Variants in ACSM3 observed in about 807,000 individuals in gnomAD.
ACSM3 encodes the protein acyl-coenzyme A synthetase ACSM3, mitochondrial.
ACSM3 carries 61 observed loss-of-function variants against 74.1 expected under a neutral mutation model. That is an observed-to-expected ratio of 0.82 (90% CI 0.67 to 1.02). ACSM3 has a LOEUF of 1.02. Among genes scored for constraint, ACSM3 ranks in the 50% least tolerant of loss-of-function variants. The probability of loss-of-function intolerance (pLI) is 0.00; values close to 1 mark genes in which losing one functional copy is unlikely to be tolerated. For synonymous variants in ACSM3, 213 were observed against 241.5 expected, an observed-to-expected ratio of 0.88 and a Z score of 1.09; for missense variants, 660 against 697.0, an observed-to-expected ratio of 0.95 and a Z score of 0.60.
At chr16:20,691,751 A>ATGTGTGTGTGTGTGTG (rs59929923) in intron 1 of ACSM3, among the ~76,000 whole-genome samples, 3 of 134,106 alleles carry the variant, frequency 2.2e-5, no homozygotes, top group South Asian at 5.0e-4. Context: ...TACCTCTCCA[A>ATGTGTGTGTGTGTGTG]TGTGTGTGTG....
At position 20,780,776 on chromosome 16, in the gene ACSM3, T is replaced by C; in HGVS notation, c.701T>C (p.Phe234Ser). 1 of 1,614,188 alleles carries C rather than the reference T, an allele frequency of 6.2e-7. No individual in the cohort carries two copies. Among genetic ancestry groups the C allele is most frequent in the Non-Finnish European group, 8.5e-7 (1 of 1,180,030 alleles). ...CACAATGAGATCATGGCCATATTCT[T>C]TACCAGTGGAACAAGTGGATATCCG... is the stretch of plus-strand genomic sequence containing the variant. Reference protein sequence around the residue: ...TKHNEIMAIFFTSGTSGYPKM... With the variant: ...TKHNEIMAIFSTSGTSGYPKM... The change falls in exon 5 of 14, where the codon TTT (phenylalanine) becomes TCT (serine). Residue 234 changes from phenylalanine to serine, a missense_variant. Coordinates refer to ENST00000289416, the MANE Select transcript of ACSM3 (RefSeq NM_005622.4).
intron 3 of ACSM3, among the ~76,000 whole-genome samples, chr16:20,755,775 T>TCC (rs1464907871): frequency 3.3e-4 from 14 of 42,482 alleles, no homozygotes; most frequent in Admixed American, 7.6e-4. Context: ...CCTAATGCTA[T>TCC]CCCTCCCCCC....
chr16:20,699,207 C>A (rs2079705867), intron 1 of ACSM3, among the ~76,000 whole-genome samples: 1 of 152,118 alleles, frequency 6.6e-6, no homozygotes, highest in South Asian at 2.1e-4. Context: ...GCACCTGGAC[C>A]AGGCATTTAG....
chr16:20,758,242 C>T (rs1352549075), intron 3 of ACSM3, among the ~76,000 whole-genome samples: 2 of 152,126 alleles, frequency 1.3e-5, no homozygotes, highest in Admixed American at 6.5e-5. Flanking sequence ...TGGTAGAATT[C>T]GGCTGTGAAT....
chr16:20,679,423 G>A (rs1488933288), intron 1 of ACSM3: 2 of 152,186 alleles, frequency 1.3e-5, no homozygotes, highest in African/African-American at 2.4e-5. Context: ...ACACACAGCC[G>A]AAGCTAAGAG....
intron 1 of ACSM3, among the ~76,000 whole-genome samples, chr16:20,766,927 C>T (rs1450101933): frequency 6.6e-6 from 1 of 151,992 alleles, no homozygotes; most frequent in Admixed American, 6.6e-5. Context: ...TCATAATTTG[C>T]TTGAATGCAC....
intron 1 of ACSM3, among the ~76,000 whole-genome samples, chr16:20,717,286 T>C (rs1382576791): frequency 1.3e-5 from 2 of 152,252 alleles, no homozygotes; most frequent in Non-Finnish European, 2.9e-5. Context: ...TACTGCATCA[T>C]GTGCCTAATC....
rs1042186936 is a variant in ACSM3 at position 20,781,105 on chromosome 16, G to A, written c.914G>A (p.Arg305His). Reference sequence around the variant, plus strand: ...TGTGTATTCACACACCATTTACCCCGTTTTGAGCCGACTTCTATCTTGCAA... The same window carrying A: ...TGTGTATTCACACACCATTTACCCCATTTTGAGCCGACTTCTATCTTGCAA... ...GACVFTHHLP[R>H]FEPTSILQTL... Residue 305 changes from arginine (R) to histidine (H), a missense_variant, in exon 6 of 14, where the codon CGT becomes CAT. Arg to His is a conservative substitution (Grantham distance 29). Transcript: ENST00000289416. 9.9e-6 allele frequency: 16 copies of A among 1,613,862 alleles called. No individual in the cohort carries two copies. Among genetic ancestry groups the A allele is most frequent in the Non-Finnish European group, 1.1e-5 (13 of 1,179,948 alleles).
At chr16:20,791,948 A>G (rs1441236311) in intron 10 of ACSM3, 54 bp from the exon 11 acceptor site, 18 of 1,582,310 alleles carry the variant, frequency 1.1e-5, no homozygotes, top group East Asian at 2.2e-5. Flanking sequence ...AAAAATTCCA[A>G]TTGACCAGAA....
At chr16:20,757,480 G>A (rs2152439508) in intron 3 of ACSM3, among the ~76,000 whole-genome samples, 1 of 152,002 alleles carries the variant, frequency 6.6e-6, no homozygotes, top group East Asian at 1.9e-4. Flanking sequence ...TTTGCACATT[G>A]ATTTTGTATC....
At chr16:20,704,456 G>T (rs1022008021) in intron 1 of ACSM3, among the ~76,000 whole-genome samples, 5 of 152,076 alleles carry the variant, frequency 3.3e-5, no homozygotes, top group African/African-American at 4.8e-5. Flanking sequence ...TTCTTCCCAG[G>T]GCTAACTTAG....
At chr16:20,737,751 A>T (rs142453544) in intron 1 of ACSM3, 5 of 1,613,766 alleles carry the variant, frequency 3.1e-6, no homozygotes, top group Non-Finnish European at 4.2e-6. Flanking sequence ...CATGACTGTT[A>T]TTTCGAGATT....
rs1270460428 is a variant in ACSM3 at position 20,790,728 on chromosome 16, C to T, written c.1326+40C>T. On this transcript the variant is annotated intron_variant, in intron 10 of 13. Transcript: ENST00000289416. The surrounding 1 kb of genome is among the most constrained non-coding windows in gnomAD (Gnocchi z 4.0). ...AAATAATCTCATTTTCTATTTATTT[C>T]TCAAGTGCTTGGTAACAATCCCTGT... The T allele has an allele frequency of 2.2e-5, 36 of 1,613,790 alleles. No individual in the cohort carries two copies. Among genetic ancestry groups the T allele is most frequent in the Non-Finnish European group, 2.9e-5 (34 of 1,179,854 alleles).
chr16:20,745,126 C>T (rs2152427753), intron 1 of ACSM3, among the ~76,000 whole-genome samples: 1 of 152,302 alleles, frequency 6.6e-6, no homozygotes, highest in African/African-American at 2.4e-5. Flanking sequence ...TTCATTTATT[C>T]CTTATTATTC....
chr16:20,792,342 G>T lies in ACSM3; in HGVS notation c.1554+7G>T, dbSNP rs1416867944. On this transcript the variant is annotated splice_region_variant and intron_variant, in intron 12 of 13. Transcript: ENST00000289416. ...AGACCCCATCAGAGGAGAGGTAAAA[G>T]AACTGATTCATGTCAACTTTATAAT... The T allele has an allele frequency of 5.0e-6, 8 of 1,613,644 alleles. No homozygotes were observed. The Admixed American group carries it at 8.3e-5, about 17-fold the overall frequency.
At chr16:20,785,710 A>G (rs1465650229) in intron 8 of ACSM3, among the ~76,000 whole-genome samples, 1 of 152,246 alleles carries the variant, frequency 6.6e-6, no homozygotes, top group Non-Finnish European at 1.5e-5. Context: ...ATGTGTCTTT[A>G]TAATGCTTCA....
intron 10 of ACSM3, chr16:20,791,030 G>T: frequency 3.1e-6 from 4 of 1,309,114 alleles, no homozygotes; most frequent in South Asian, 1.3e-5. Flanking sequence ...CTTTCTTTTC[G>T]GGAAGAGTGA....
chr16:20,741,481 G>GGGGGGGGGGGGGGGGCCCCCCC, intron 1 of ACSM3: 1 of 1,308,412 alleles, frequency 7.6e-7, no homozygotes, highest in South Asian at 1.8e-5. Flanking sequence ...CTGGCAGCCG[G>GGGGGGGGGGGGGGGGCCCCCCC]CCCGCCCGCC....
intron 1 of ACSM3, among the ~76,000 whole-genome samples, chr16:20,726,418 AAGAC>A (rs1458681288): frequency 1.3e-5 from 2 of 152,240 alleles, no homozygotes; most frequent in East Asian, 3.8e-4. Context: ...AGTGCTATGC[AAGAC>A]AGAATAATGC....
Sources: gnomAD v4.1 joint callset for allele counts (sites outside exome capture counted in the v4.1 genomes callset) on GRCh38, gnomAD v4.1.1 for gene constraint, Gnocchi (gnomAD v3.1) non-coding constraint, MANE v1.5 for transcripts, NCBI Gene and HGNC (gene_info 2026-07-23, HGNC 2026-07-21) for gene names.